The following SMYD3 variants were observed in gnomAD, a reference collection of about 807,000 sequenced individuals.
SMYD3 encodes the protein histone-lysine N-methyltransferase SMYD3.
SMYD3 carries 36 observed loss-of-function variants against 57.7 expected under a neutral mutation model. That is an observed-to-expected ratio of 0.62 (90% CI 0.48 to 0.82). The LOEUF (loss-of-function observed/expected upper bound fraction) is 0.82. SMYD3 is among the 40% of genes least tolerant of loss of function. The probability of loss-of-function intolerance (pLI) is 0.00; values close to 1 mark genes in which losing one functional copy is unlikely to be tolerated. For synonymous variants in SMYD3, 211 were observed against 195.0 expected, an observed-to-expected ratio of 1.08 and a Z score of -0.68; for missense variants, 515 against 538.8, an observed-to-expected ratio of 0.96 and a Z score of 0.44.
chr1:246,196,176 G>C (rs2062828909), intron 5 of SMYD3, among the ~76,000 whole-genome samples: 1 of 152,058 alleles, frequency 6.6e-6, no homozygotes, highest in South Asian at 2.1e-4. Flanking sequence ...TATTTGCCCA[G>C]AATACATCTG....
intron 7 of SMYD3, among the ~76,000 whole-genome samples, chr1:245,918,524 C>G (rs1214074426): frequency 1.3e-5 from 2 of 152,216 alleles, no homozygotes; most frequent in Non-Finnish European, 2.9e-5. Flanking sequence ...CTCCATGTTT[C>G]TCTTGCTTCA....
intron 5 of SMYD3, among the ~76,000 whole-genome samples, chr1:245,990,234 C>A (rs2058787728): frequency 6.6e-6 from 1 of 152,052 alleles, no homozygotes; most frequent in Non-Finnish European, 1.5e-5. Flanking sequence ...GGACTACAGG[C>A]CTGCACCACC....
chr1:246,378,384 C>A (rs952016927), intron 1 of SMYD3, among the ~76,000 whole-genome samples: 6 of 151,792 alleles, frequency 4.0e-5, no homozygotes, highest in Non-Finnish European at 8.8e-5. Context: ...GCAGACCCAC[C>A]CTTAATCTGG....
At chr1:245,881,810 C>G (rs946520200) in intron 8 of SMYD3, among the ~76,000 whole-genome samples, 1 of 152,102 alleles carries the variant, frequency 6.6e-6, no homozygotes, top group Non-Finnish European at 1.5e-5. Context: ...GTTGAAGCCA[C>G]GAGCTGAAGA....
At position 245,863,884 on chromosome 1, in the gene SMYD3, A is replaced by T; in HGVS notation, c.816T>A (p.Asp272Glu). The T allele has an allele frequency of 6.2e-7, 1 of 1,614,094 alleles. No individual in the cohort carries two copies. Among genetic ancestry groups the T allele is most frequent in the South Asian group, 1.1e-5 (1 of 91,068 alleles). ...DCFRCQTQDK[D>E]ADMLTGDEQV... ...GCTCATCACCAGTTAGCATATCAGC[A>T]TCCTGCTCAGGCCAGAAAAGGAAGA... The change falls in exon 9 of 12, where the codon GAT becomes GAA. Residue 272 changes from aspartate to glutamate, a missense_variant and splice_region_variant. Asp to Glu is a conservative substitution (Grantham distance 45). Coordinates refer to ENST00000490107, the MANE Select transcript of SMYD3 (RefSeq NM_001167740.2).
chr1:246,261,207 C>A (rs990514229), intron 5 of SMYD3, among the ~76,000 whole-genome samples: 2 of 151,992 alleles, frequency 1.3e-5, no homozygotes, highest in Non-Finnish European at 2.9e-5. Flanking sequence ...TACAGGCGCC[C>A]GCCACCACGC....
chr1:245,930,400 G>C (rs1320643488), intron 5 of SMYD3: 5 of 336,624 alleles, frequency 1.5e-5, no homozygotes, highest in Non-Finnish European at 2.9e-5. Flanking sequence ...AGAAAGCGAA[G>C]TATCCCGTGA....
chr1:246,364,467 A>G (rs777836859), intron 1 of SMYD3, among the ~76,000 whole-genome samples: 4 of 152,220 alleles, frequency 2.6e-5, no homozygotes, highest in Non-Finnish European at 4.4e-5. Context: ...ACAGTTCTGT[A>G]TAAGGTAAGC....
At chr1:245,910,395 C>T (rs2147747604) in intron 8 of SMYD3, among the ~76,000 whole-genome samples, 1 of 152,170 alleles carries the variant, frequency 6.6e-6, no homozygotes, top group Non-Finnish European at 1.5e-5. Context: ...TCAATGTAAT[C>T]CATATCAAAA....
At chr1:246,284,132 TGCAAAACGGCATA>T (rs1044535441) in intron 5 of SMYD3, among the ~76,000 whole-genome samples, 2 of 152,176 alleles carry the variant, frequency 1.3e-5, no homozygotes, top group African/African-American at 4.8e-5. Flanking sequence ...GTGAGTATGC[TGCAAAACGGCATA>T]GCAGGCTGTC....
At chr1:245,994,484 G>C (rs1175941434) in intron 5 of SMYD3, among the ~76,000 whole-genome samples, 1 of 152,128 alleles carries the variant, frequency 6.6e-6, no homozygotes, top group Non-Finnish European at 1.5e-5. Context: ...TCTCTCTAGA[G>C]GTCAGCACTT....
Position 246,202,374 on chromosome 1 carries a change from C to T in SMYD3, c.531+124827G>A, listed in dbSNP as rs1223579315. ...TCATATCTGACCGCCCTATCATTGG[C>T]CTATGAAGCTTTCCAATCTCTTAGC... On this transcript the variant is annotated intron_variant, in intron 5 of 11. Coordinates refer to ENST00000490107, the MANE Select transcript of SMYD3 (RefSeq NM_001167740.2). The surrounding 1 kb of genome is among the most constrained non-coding windows in gnomAD (Gnocchi z 4.1). 6.6e-6 allele frequency among the ~76,000 whole-genome samples: 1 copy of T among 152,140 alleles called. No homozygotes were observed. Among genetic ancestry groups the T allele is most frequent in the Admixed American group, 6.5e-5 (1 of 15,274 alleles).
At chr1:245,869,279 A>T (rs2052042405) in intron 8 of SMYD3, among the ~76,000 whole-genome samples, 1 of 152,200 alleles carries the variant, frequency 6.6e-6, no homozygotes. Flanking sequence ...AGGATTCCTA[A>T]GAAAGCTGAC....
At position 246,327,300 on chromosome 1, in the gene SMYD3, G is replaced by T; in HGVS notation, c.432C>A (p.Leu144=). ...GTTGAAATGTCATTACGAGTTGCCT[G>T]AGGCCCTCTTTCTTATCTTCAGTCA... is the stretch of plus-strand genomic sequence containing the variant. ...NKLTEDKKEG[L]RQLVMTFQHF... is the part of the protein sequence containing the mutation. Residue 144 remains leucine (L), a synonymous_variant, in exon 5 of 12, where the codon CTC becomes CTA. Transcript: ENST00000490107. 4.3e-6 allele frequency: 7 copies of T among 1,613,864 alleles called. No individual in the cohort carries two copies. In the South Asian group the frequency reaches 7.7e-5, roughly 18 times the overall value.
intron 5 of SMYD3, among the ~76,000 whole-genome samples, chr1:245,933,351 T>C (rs1253836474): frequency 1.3e-5 from 2 of 152,192 alleles, no homozygotes; most frequent in Non-Finnish European, 2.9e-5. Flanking sequence ...AAAATTAAGC[T>C]TGAGTATTAC....
chr1:245,911,101 C>T (rs2054940134), intron 8 of SMYD3, among the ~76,000 whole-genome samples: 1 of 151,788 alleles, frequency 6.6e-6, no homozygotes, highest in South Asian at 2.1e-4. Context: ...AAATGGCCAA[C>T]AGATATATAA....
intron 10 of SMYD3, among the ~76,000 whole-genome samples, chr1:245,806,472 C>T (rs2148264901): frequency 1.3e-5 from 2 of 152,256 alleles, no homozygotes; most frequent in Middle Eastern, 6.8e-3. Flanking sequence ...TATCTCAAAG[C>T]AATGGAGTTG....
chr1:246,405,406 G>A (rs764847204), intron 1 of SMYD3, among the ~76,000 whole-genome samples: 21 of 152,048 alleles, frequency 1.4e-4, no homozygotes, highest in Non-Finnish European at 2.8e-4. Flanking sequence ...ATACGTTGTG[G>A]TTAATAGACA....
At chr1:246,136,105 A>C (rs2061662262) in intron 5 of SMYD3, among the ~76,000 whole-genome samples, 1 of 152,194 alleles carries the variant, frequency 6.6e-6, no homozygotes, top group African/African-American at 2.4e-5. Flanking sequence ...GTACACCAGG[A>C]ACTGCACATG....
Sources: allele counts gnomAD v4.1 joint callset (sites outside exome capture counted in the v4.1 genomes callset), GRCh38; gene constraint gnomAD v4.1.1; non-coding constraint Gnocchi (gnomAD v3.1); transcripts MANE v1.5; gene names NCBI Gene and HGNC (gene_info 2026-07-23, HGNC 2026-07-21).